Variants in FLG observed in about 807,000 individuals in gnomAD.
FLG encodes the protein filaggrin.
A neutral mutation model predicts 3.8 loss-of-function variants in FLG; 6 were observed. The observed-to-expected ratio is 1.60, with a 90% CI of 0.87 to 3.15. The LOEUF is 3.15. FLG is among the 30% of genes most tolerant of loss of function. FLG has a pLI of 0.00. For synonymous variants in FLG, 2,551 were observed against 1,931.6 expected (o/e 1.32, Z -8.41); for missense variants, 7,595 against 5,050.9 (o/e 1.50, Z -15.27).
In FLG at chr1:152,307,296, T is replaced by G. The variant is rs749426339; in HGVS notation, c.7590A>C (p.Ser2530=). ...AGGAAGCTTCATGGTGACGCGACCC[T>G]GAGTGCCTGGAGCCGTCTCCTGATT... is the stretch of plus-strand genomic sequence containing the variant. ...DEQSGDGSRH[S]GSRHHEASSR... is the part of the protein sequence containing the mutation. The change falls in exon 3 of 3, where the codon TCA becomes TCC. Residue 2530 remains serine (S), a synonymous_variant. Coordinates refer to ENST00000368799, the MANE Select transcript of FLG (RefSeq NM_002016.2). 3.2e-5 allele frequency: 52 copies of G among 1,613,438 alleles called. No individual in the cohort carries two copies. Among genetic ancestry groups the G allele is most frequent in the Middle Eastern group, 1.6e-4 (1 of 6,084 alleles).
rs201405814 is a variant in FLG at position 152,309,624 on chromosome 1, C to G, written c.5262G>C (p.Gln1754His). The G allele has an allele frequency of 2.0e-5, 32 of 1,614,020 alleles. No individual in the cohort carries two copies. In the Admixed American group the frequency reaches 3.8e-4, roughly 19 times the overall value. Reference sequence around the variant, plus strand: ...CTGAACGTCCAGACCTTTCCCCTGACTGGCCACGTGTGGACTCTTGGTGGC... The same window carrying G: ...CTGAACGTCCAGACCTTTCCCCTGAGTGGCCACGTGTGGACTCTTGGTGGC... ...QQSHQESTRG[Q>H]SGERSGRSGS... The change falls in exon 3 of 3, where the codon CAG becomes CAC. Residue 1754 changes from glutamine (Q) to histidine (H), a missense_variant. Transcript: ENST00000368799.
In FLG at chr1:152,314,721, A is replaced by G. The variant is rs763759026; in HGVS notation, c.165T>C (p.Asp55=). Residue 55 remains aspartate, a synonymous_variant, in exon 3 of 3, where the codon GAT becomes GAC. Transcript: ENST00000368799. ...CTATATCCAAGTGATCCATGAAGAC[A>G]TCAACCATATCTGGGTCATCTGGAT... is the stretch of plus-strand genomic sequence containing the variant. ...LKNPDDPDMV[D]VFMDHLDIDH... The G allele has an allele frequency of 1.9e-6, 3 of 1,613,768 alleles. No individual in the cohort carries two copies. The highest frequency in any genetic ancestry group is 1.7e-5 in the Admixed American group (1 of 60,008).
At position 152,303,800 on chromosome 1, in the gene FLG, T is replaced by C. The variant is rs537909579; in HGVS notation, c.11086A>G (p.Thr3696Ala). Residue 3696 changes from threonine (T) to alanine (A), a missense_variant, in exon 3 of 3, where the codon ACA (threonine) becomes GCA (alanine). Coordinates refer to ENST00000368799, the MANE Select transcript of FLG (RefSeq NM_002016.2). Reference protein sequence around the residue: ...GPHQQSHQESTRGRSAGRSGR... With the variant: ...GPHQQSHQESARGRSAGRSGR... ...GACCTTCCTGCTGACCGGCCACGTGTGGACTCTTGGTGGCTCTGCTGATGG... is the reference window on the plus strand; with the variant it reads ...GACCTTCCTGCTGACCGGCCACGTGCGGACTCTTGGTGGCTCTGCTGATGG... 2.5e-5 allele frequency: 41 copies of C among 1,613,496 alleles called. No homozygotes were observed. In the South Asian group the frequency reaches 2.9e-4, roughly 11 times the overall value.
At position 152,314,042 on chromosome 1, in the gene FLG, C is replaced by T. The variant is rs770871356; in HGVS notation, c.844G>A (p.Val282Ile). ...NRSRHENTSQ[V>I]PLQESRTRKR... is the part of the protein sequence containing the mutation. ...CTTGTCCTGGACTCCTGCAATGGTA[C>T]CTGGCTTGTATTTTCATGTCTTGAC... is the stretch of plus-strand genomic sequence containing the variant. The change falls in exon 3 of 3, where the codon GTA becomes ATA. Residue 282 changes from valine (V) to isoleucine (I), a missense_variant. Physicochemically the swap from Val to Ile is conservative, Grantham distance 29. Coordinates refer to ENST00000368799, the MANE Select transcript of FLG (RefSeq NM_002016.2). 1 of 1,614,024 alleles carries T rather than the reference C, an allele frequency of 6.2e-7. No individual in the cohort carries two copies. The highest frequency in any genetic ancestry group is 8.5e-7 in the Non-Finnish European group (1 of 1,180,014).
intron 1 of FLG, among the ~76,000 whole-genome samples, chr1:152,323,874 G>C (rs1172013655): frequency 6.6e-6 from 1 of 151,608 alleles, no homozygotes; most frequent in Non-Finnish European, 1.5e-5. Context: ...AAATGGAAGA[G>C]ACCCAAGTAT....
In FLG at chr1:152,315,379, G is replaced by T; in HGVS notation, c.78C>A (p.Asp26Glu). 6.2e-7 allele frequency: 1 copy of T among 1,612,680 alleles called. No homozygotes were observed. The highest frequency in any genetic ancestry group is 1.1e-5 in the South Asian group (1 of 90,882). Residue 26 changes from aspartate to glutamate, a missense_variant, in exon 2 of 3, where the codon GAC becomes GAA. Physicochemically the swap from Asp to Glu is conservative, Grantham distance 45. Transcript: ENST00000368799. Reference protein sequence around the residue: ...KQYSKKDKNTDTLSKKELKEL... With the variant: ...KQYSKKDKNTETLSKKELKEL... Reference sequence around the variant, plus strand: ...CCTTCAGCTCTTTTTTACTCAATGTGTCAGTGTTTTTATCTTTTTTTGAAT... The same window carrying T: ...CCTTCAGCTCTTTTTTACTCAATGTTTCAGTGTTTTTATCTTTTTTTGAAT...
chr1:152,313,759 G>A lies in FLG; in HGVS notation c.1127C>T (p.Ala376Val), dbSNP rs781401421. ...ATGTCTTTCTCCTGGACTTGATCTT[G>A]CCTGTTCATGGGATGATGCAGTCTG... is the stretch of plus-strand genomic sequence containing the variant. ...RGQTASSHEQ[A>V]RSSPGERHGS... The change falls in exon 3 of 3, where the codon GCA becomes GTA. Residue 376 changes from alanine (A) to valine (V), a missense_variant. Coordinates refer to ENST00000368799, the MANE Select transcript of FLG (RefSeq NM_002016.2). 7 of 1,613,916 alleles carry A rather than the reference G, an allele frequency of 4.3e-6. No individual in the cohort carries two copies. Among genetic ancestry groups the A allele is most frequent in the Non-Finnish European group, 5.1e-6 (6 of 1,179,988 alleles).
Position 152,306,199 on chromosome 1 carries a change from T to C in FLG, c.8687A>G (p.Asp2896Gly). ...RQGSSVSQDSDSEGHSEDSER... is the reference protein window; with the variant it reads ...RQGSSVSQDSGSEGHSEDSER... ...AGAGTCTTCTGAATGTCCCTCACTGTCACTGTCCTGGCTCACACTGGATCC... is the reference window on the plus strand; with the variant it reads ...AGAGTCTTCTGAATGTCCCTCACTGCCACTGTCCTGGCTCACACTGGATCC... The change falls in exon 3 of 3, where the codon GAC (aspartate) becomes GGC (glycine). Residue 2896 changes from aspartate (D) to glycine (G), a missense_variant. Transcript: ENST00000368799. The C allele has an allele frequency of 6.2e-7, 1 of 1,603,662 alleles. No individual in the cohort carries two copies. Among genetic ancestry groups the C allele is most frequent in the Non-Finnish European group, 8.5e-7 (1 of 1,180,018 alleles).
chr1:152,303,033 G>A lies in FLG; in HGVS notation c.11853C>T (p.His3951=), dbSNP rs1237463011. 6.2e-7 allele frequency: 1 copy of A among 1,614,180 alleles called. No homozygotes were observed. Among genetic ancestry groups the A allele is most frequent in the Non-Finnish European group, 8.5e-7 (1 of 1,180,038 alleles). The part of the protein sequence containing the change: ...HSGIQSRGSP[H]SSSSYHYQSE... ...ATTGATAATGATAAGAACTAGAACT[G>A]TGAGGACTGCCACGTGACTGTATTC... is the stretch of plus-strand genomic sequence containing the variant. The change falls in exon 3 of 3, where the codon CAC becomes CAT. Residue 3951 remains histidine (H), a synonymous_variant. Transcript: ENST00000368799.
rs1011724004 is a variant in FLG at position 152,305,382 on chromosome 1, C to T, written c.9504G>A (p.Glu3168=). ...GCCTGGAGCTGTCTCCTGATTGTTCCTCATTACGTGTTGTTCTGCTTGCAC... is the reference window on the plus strand; with the variant it reads ...GCCTGGAGCTGTCTCCTGATTGTTCTTCATTACGTGTTGTTCTGCTTGCAC... The part of the protein sequence containing the change: ...SRSASRTTRN[E]EQSGDSSRHS... Residue 3168 remains glutamate, a synonymous_variant, in exon 3 of 3, where the codon GAG becomes GAA. Transcript: ENST00000368799. 3.7e-6 allele frequency: 6 copies of T among 1,606,422 alleles called. No individual in the cohort carries two copies. The highest frequency in any genetic ancestry group is 2.8e-5 in the African/African-American group (2 of 72,228).
chr1:152,311,579 C>G lies in FLG; in HGVS notation c.3307G>C (p.Ala1103Pro), dbSNP rs546349534. 1 of 1,613,940 alleles carries G rather than the reference C, an allele frequency of 6.2e-7. No homozygotes were observed. Among genetic ancestry groups the G allele is most frequent in the South Asian group, 1.1e-5 (1 of 91,050 alleles). ...GACCTTCCCCCTGACCAGTCACGTG[C>G]GGACTCTTGGTGGCTCTGCTGATGG... The part of the protein sequence containing the change: ...GPHQQSHQES[A>P]RDWSGGRSGR... The change falls in exon 3 of 3, where the codon GCA (alanine) becomes CCA (proline). Residue 1103 changes from alanine (A) to proline (P), a missense_variant. Coordinates refer to ENST00000368799, the MANE Select transcript of FLG (RefSeq NM_002016.2).
In FLG at chr1:152,315,419, T is replaced by C; in HGVS notation, c.38A>G (p.Asn13Ser). The C allele has an allele frequency of 6.2e-7, 1 of 1,612,204 alleles. No individual in the cohort carries two copies. ...TTTTTTTGAATATTGCTTGAAAAGA[T>C]TAATTATGGCAAAGATGTTTTCCAG... Reference protein sequence around the residue: ...TLLENIFAIINLFKQYSKKDK... With the variant: ...TLLENIFAIISLFKQYSKKDK... The change falls in exon 2 of 3, where the codon AAT becomes AGT. Residue 13 changes from asparagine (N) to serine (S), a missense_variant. Coordinates refer to ENST00000368799, the MANE Select transcript of FLG (RefSeq NM_002016.2).
rs148831566 is a variant in FLG, at chr1:152,307,158, G to T, written c.7728C>A (p.His2576Gln). The T allele has an allele frequency of 1.5e-4, 242 of 1,610,850 alleles. No individual in the cohort carries two copies. The highest frequency in any genetic ancestry group is 2.0e-4 in the Non-Finnish European group (234 of 1,179,812). Residue 2576 changes from histidine (H) to glutamine (Q), a missense_variant, in exon 3 of 3, where the codon CAC becomes CAA. Transcript: ENST00000368799. ...CAGACCACCTCTCAGAGTCTTCTGAGTGTCCCTGACTGTCACTGTCCTGGC... is the reference window on the plus strand; with the variant it reads ...CAGACCACCTCTCAGAGTCTTCTGATTGTCCCTGACTGTCACTGTCCTGGC... ...SFSQDSDSQG[H>Q]SEDSERWSGS...
At position 152,311,549 on chromosome 1, in the gene FLG, G is replaced by A. The variant is rs768459532; in HGVS notation, c.3337C>T (p.Arg1113Cys). The A allele has an allele frequency of 2.4e-5, 39 of 1,613,764 alleles. No homozygotes were observed. The highest frequency in any genetic ancestry group is 1.6e-4 in the Middle Eastern group (1 of 6,084). Reference sequence around the variant, plus strand: ...ACCTGGTAGATGAAAGACCCTGAACGTCCAGACCTTCCCCCTGACCAGTCA... The same window carrying A: ...ACCTGGTAGATGAAAGACCCTGAACATCCAGACCTTCCCCCTGACCAGTCA... ...ARDWSGGRSGRSGSFIYQVST... is the reference protein window; with the variant it reads ...ARDWSGGRSGCSGSFIYQVST... Residue 1113 changes from arginine to cysteine, a missense_variant, in exon 3 of 3, where the codon CGT (arginine) becomes TGT (cysteine). Coordinates refer to ENST00000368799, the MANE Select transcript of FLG (RefSeq NM_002016.2).
intron 1 of FLG, among the ~76,000 whole-genome samples, chr1:152,318,072 T>C (rs1652846006): frequency 6.6e-6 from 1 of 152,040 alleles, no homozygotes; most frequent in Non-Finnish European, 1.5e-5. Context: ...CACAGAAACA[T>C]GCTGGAGTAT....
At chr1:152,324,803 G>C (rs1441182272) in intron 1 of FLG, among the ~76,000 whole-genome samples, 1 of 151,694 alleles carries the variant, frequency 6.6e-6, no homozygotes, top group African/African-American at 2.4e-5. Flanking sequence ...TTTCTTCATT[G>C]TTCTTATCAC....
At position 152,307,181 on chromosome 1, in the gene FLG, G is replaced by A; in HGVS notation, c.7705C>T (p.Gln2569Ter). ...GAGTGTCCCTGACTGTCACTGTCCT[G>A]GCTAAAACTGGATCCCCAGTTCCTG... ...TSRNWGSSFS[Q>*]DSDSQGHSED... Residue 2569 changes from glutamine (Q) to a stop codon, truncating the protein, a stop_gained, in exon 3 of 3, where the codon CAG (glutamine) becomes TAG (stop). Transcript: ENST00000368799. LOFTEE classifies it low-confidence loss of function (END_TRUNC). 1 of 1,612,764 alleles carries A rather than the reference G, an allele frequency of 6.2e-7. No individual in the cohort carries two copies. Among genetic ancestry groups the A allele is most frequent in the South Asian group, 1.1e-5 (1 of 91,064 alleles).
rs766189724 is a variant in FLG, at chr1:152,304,100, T to C, written c.10786A>G (p.Arg3596Gly). ...TCTGCATGATGAGTGCCTGATTGTC[T>C]GGAGCTCTCTGCAGAGTGCCCGTGA... ...AGHGHSAESSRQSGTHHAENS... is the reference protein window; with the variant it reads ...AGHGHSAESSGQSGTHHAENS... Residue 3596 changes from arginine to glycine, a missense_variant, in exon 3 of 3, where the codon AGA (arginine) becomes GGA (glycine). Physicochemically the swap from Arg to Gly is moderately radical, Grantham distance 125. Coordinates refer to ENST00000368799, the MANE Select transcript of FLG (RefSeq NM_002016.2). The C allele has an allele frequency of 3.7e-6, 6 of 1,608,272 alleles. No individual in the cohort carries two copies. Among genetic ancestry groups the C allele is most frequent in the Non-Finnish European group, 5.1e-6 (6 of 1,179,162 alleles).
rs749166276 is a variant in FLG, at chr1:152,304,375, G to C, written c.10511C>G (p.Ser3504Trp). 1 of 1,611,754 alleles carries C rather than the reference G, an allele frequency of 6.2e-7. No individual in the cohort carries two copies. The highest frequency in any genetic ancestry group is 8.5e-7 in the Non-Finnish European group (1 of 1,179,080). ...CTGAGTGGAAGCTTCATGGTGATGC[G>C]ACCATGAGTGCCTGGAGCCATCTCC... ...QSGDGSRHSW[S>W]HHHEASTQAD... Residue 3504 changes from serine (S) to tryptophan (W), a missense_variant, in exon 3 of 3, where the codon TCG becomes TGG. By Grantham distance (177) the Ser-to-Trp change is radical. Transcript: ENST00000368799.
Sources: allele counts gnomAD v4.1 joint callset (sites outside exome capture counted in the v4.1 genomes callset), GRCh38; gene constraint gnomAD v4.1.1; transcripts MANE v1.5; gene names NCBI Gene and HGNC (gene_info 2026-07-23, HGNC 2026-07-21).